Variants in PDGFC observed in about 807,000 individuals in gnomAD.
PDGFC encodes the protein platelet-derived growth factor C.
PDGFC carries 12 observed loss-of-function variants against 35.5 expected under a neutral mutation model. That is an observed-to-expected ratio of 0.34 (90% CI 0.22 to 0.55). The LOEUF is 0.55. PDGFC is among the 20% of genes least tolerant of loss of function. The probability of loss-of-function intolerance (pLI) is 0.91; values close to 1 mark genes in which losing one functional copy is unlikely to be tolerated. For synonymous variants in PDGFC, 159 were observed against 148.8 expected (o/e 1.07, Z -0.50); for missense variants, 322 against 412.4 (o/e 0.78, Z 1.90).
At chr4:156,916,501 T>C (rs2110824798) in intron 1 of PDGFC, among the ~76,000 whole-genome samples, 1 of 152,294 alleles carries the variant, frequency 6.6e-6, no homozygotes, top group Non-Finnish European at 1.5e-5. Flanking sequence ...TCACATACCT[T>C]ACTAGGCCCT....
chr4:156,844,711 C>T (rs1729284400), intron 2 of PDGFC, among the ~76,000 whole-genome samples: 2 of 151,772 alleles, frequency 1.3e-5, no homozygotes, highest in African/African-American at 2.4e-5. Context: ...CTTCTTGAGG[C>T]TAAAACAAAA....
intron 1 of PDGFC, among the ~76,000 whole-genome samples, chr4:156,906,810 C>T (rs1730925707): frequency 6.6e-6 from 1 of 152,120 alleles, no homozygotes; most frequent in Admixed American, 6.6e-5. Context: ...ATACGTTTCC[C>T]TTAATTTCTA....
In PDGFC at chr4:156,971,778, G is replaced by A. The variant is rs1732601693; in HGVS notation, c.-875C>T. Reference sequence around the variant, plus strand: ...GGCTCCGCGCTAACCTCGGGGCTACGCGCGGCGTCTCCGCACGGGGTGAAG... The same window carrying A: ...GGCTCCGCGCTAACCTCGGGGCTACACGCGGCGTCTCCGCACGGGGTGAAG... On this transcript the variant is annotated 5_prime_UTR_variant, in exon 1 of 6. Coordinates refer to ENST00000502773, the MANE Select transcript of PDGFC (RefSeq NM_016205.3). Among the ~76,000 whole-genome samples the A allele has an allele frequency of 6.6e-6, 1 of 151,900 alleles. No individual in the cohort carries two copies. Among genetic ancestry groups the A allele is most frequent in the Admixed American group, 6.6e-5 (1 of 15,250 alleles).
chr4:156,937,009 G>T (rs528125417), intron 1 of PDGFC, among the ~76,000 whole-genome samples: 3 of 152,172 alleles, frequency 2.0e-5, no homozygotes, highest in Non-Finnish European at 4.4e-5. Context: ...AATAAGATCA[G>T]TTTTGAACAT....
intron 1 of PDGFC, among the ~76,000 whole-genome samples, chr4:156,937,268 T>C (rs974150866): frequency 2.6e-5 from 4 of 152,176 alleles, no homozygotes; most frequent in East Asian, 1.9e-4. Flanking sequence ...TCTCAATAAT[T>C]TGAACGCATA....
intron 1 of PDGFC, among the ~76,000 whole-genome samples, chr4:156,857,923 G>A (rs1729621058): frequency 1.3e-5 from 2 of 152,014 alleles, no homozygotes; most frequent in South Asian, 2.1e-4. Context: ...AGCTAGATCC[G>A]ATCTCAAATA....
intron 3 of PDGFC, among the ~76,000 whole-genome samples, chr4:156,776,182 C>A (rs1730823324): frequency 6.6e-6 from 1 of 152,206 alleles, no homozygotes; most frequent in Non-Finnish European, 1.5e-5. Context: ...CAAAGTAACA[C>A]TGTTCATTAC....
chr4:156,905,386 A>T (rs1730891326), intron 1 of PDGFC, among the ~76,000 whole-genome samples: 1 of 152,078 alleles, frequency 6.6e-6, no homozygotes, highest in South Asian at 2.1e-4. Flanking sequence ...CTTTTGTATT[A>T]TATGTGCCAA....
At chr4:156,835,141 T>C (rs1729032483) in intron 2 of PDGFC, among the ~76,000 whole-genome samples, 1 of 152,130 alleles carries the variant, frequency 6.6e-6, no homozygotes, top group Non-Finnish European at 1.5e-5. Flanking sequence ...TTAAACTGAT[T>C]ACAAATAGAG....
chr4:156,814,538 AC>A (rs1362121637), intron 2 of PDGFC, among the ~76,000 whole-genome samples: 1 of 152,144 alleles, frequency 6.6e-6, no homozygotes, highest in East Asian at 1.9e-4. Context: ...CTTCAGCAGA[AC>A]ACATTGTGTA....
chr4:156,895,996 A>C (rs1399365109), intron 1 of PDGFC, among the ~76,000 whole-genome samples: 1 of 152,156 alleles, frequency 6.6e-6, no homozygotes, highest in African/African-American at 2.4e-5. Context: ...CTCCAAAAAA[A>C]TTAAGTAAGA....
intron 1 of PDGFC, among the ~76,000 whole-genome samples, chr4:156,939,320 A>T (rs1057259677): frequency 1.3e-5 from 2 of 152,090 alleles, no homozygotes; most frequent in East Asian, 3.8e-4. Context: ...TGACATCATG[A>T]ACAATGTGAA....
At chr4:156,938,608 A>G (rs558705490) in intron 1 of PDGFC, among the ~76,000 whole-genome samples, 40 of 152,226 alleles carry the variant, frequency 2.6e-4, no homozygotes, top group Non-Finnish European at 4.7e-4. Context: ...AAGCATGTTT[A>G]ATAACATACA....
At chr4:156,788,330 G>T (rs1157346039) in intron 3 of PDGFC, among the ~76,000 whole-genome samples, 1 of 152,098 alleles carries the variant, frequency 6.6e-6, no homozygotes, top group Non-Finnish European at 1.5e-5. Context: ...CAAGATCAAC[G>T]GCAACTTTTG....
At chr4:156,912,723 G>T (rs1458690707) in intron 1 of PDGFC, among the ~76,000 whole-genome samples, 3 of 151,658 alleles carry the variant, frequency 2.0e-5, no homozygotes, top group Non-Finnish European at 2.9e-5. Flanking sequence ...GGGAACACAA[G>T]AAATATGTAA....
intron 1 of PDGFC, among the ~76,000 whole-genome samples, chr4:156,896,988 T>C (rs1730647162): frequency 6.6e-6 from 1 of 152,200 alleles, no homozygotes; most frequent in Non-Finnish European, 1.5e-5. Flanking sequence ...TTGGCAGAAA[T>C]GATCTCACTC....
chr4:156,917,135 T>C (rs774037760), intron 1 of PDGFC, among the ~76,000 whole-genome samples: 4 of 152,292 alleles, frequency 2.6e-5, no homozygotes, highest in Non-Finnish European at 5.9e-5. Context: ...AACCAACCTA[T>C]GGTATGGGCC....
At chr4:156,766,180 C>A (rs1730522265) in intron 5 of PDGFC, among the ~76,000 whole-genome samples, 1 of 152,122 alleles carries the variant, frequency 6.6e-6, no homozygotes, top group African/African-American at 2.4e-5. Context: ...AATAGAGTAC[C>A]TTTGAAGCCC....
chr4:156,892,336 A>G (rs1177240780), intron 1 of PDGFC, among the ~76,000 whole-genome samples: 1 of 152,208 alleles, frequency 6.6e-6, no homozygotes, highest in Non-Finnish European at 1.5e-5. Flanking sequence ...CAGCTTGGAA[A>G]TCCTGATAGC....
Sources: gnomAD v4.1 joint callset for allele counts (sites outside exome capture counted in the v4.1 genomes callset) on GRCh38, gnomAD v4.1.1 for gene constraint, MANE v1.5 for transcripts, NCBI Gene and HGNC (gene_info 2026-07-23, HGNC 2026-07-21) for gene names.